Variants in AK9 observed in about 807,000 individuals in gnomAD.
AK9 encodes the protein adenylate kinase domain containing 1.
Under a neutral mutation model 239.6 loss-of-function variants are expected in AK9, and 191 were observed. The ratio of observed to expected loss-of-function variants is 0.80; its 90% confidence interval spans 0.71 to 0.90. The LOEUF is 0.90. AK9 is among the 40% of genes least tolerant of loss of function. AK9 has a pLI of 0.00. For missense variants in AK9, 1,995 were observed against 2,214.7 expected (o/e 0.90, Z 1.99); for synonymous variants, 689 against 721.0 (o/e 0.96, Z 0.71).
At chr6:109,599,939 CTT>C (rs1389325562) in intron 17 of AK9, among the ~76,000 whole-genome samples, 1 of 152,212 alleles carries the variant, frequency 6.6e-6, no homozygotes, top group Non-Finnish European at 1.5e-5. Context: ...ATACTGGAGA[CTT>C]TGCTGAAGTT....
intron 22 of AK9, 35 bp from the exon 23 acceptor site, chr6:109,564,315 G>T (rs933956859): frequency 1.8e-5 from 26 of 1,480,504 alleles, no homozygotes; most frequent in Middle Eastern, 3.6e-4. Context: ...GAAAAAAGGG[G>T]CTTTAAATAT....
chr6:109,608,769 T>C (rs951526018), intron 17 of AK9, among the ~76,000 whole-genome samples: 10 of 152,100 alleles, frequency 6.6e-5, no homozygotes, highest in African/African-American at 2.4e-4. Context: ...GACAAGATAT[T>C]TGTAAAGATA....
intron 21 of AK9, among the ~76,000 whole-genome samples, chr6:109,572,245 C>A (rs969397093): frequency 1.3e-5 from 2 of 152,118 alleles, no homozygotes; most frequent in African/African-American, 4.8e-5. Flanking sequence ...CTCCCTCAAC[C>A]CCCCTCTCGT....
intron 25 of AK9, among the ~76,000 whole-genome samples, chr6:109,548,435 T>C (rs1783886667): frequency 1.3e-5 from 2 of 152,198 alleles, no homozygotes; most frequent in Admixed American, 1.3e-4. Flanking sequence ...AAATCATTGA[T>C]GCTTTATGAA....
intron 21 of AK9, among the ~76,000 whole-genome samples, chr6:109,571,506 A>C (rs1401779191): frequency 6.6e-6 from 1 of 152,204 alleles, no homozygotes; most frequent in East Asian, 1.9e-4. Flanking sequence ...ACCATTCTTA[A>C]AAAAGCTAAA....
chr6:109,669,274 TGAG>T (rs2128330984), intron 5 of AK9, among the ~76,000 whole-genome samples: 1 of 152,272 alleles, frequency 6.6e-6, no homozygotes, highest in South Asian at 2.1e-4. Flanking sequence ...CTTATCAGCT[TGAG>T]GAGATTTTGG....
At chr6:109,646,761 A>G (rs980574550) in intron 8 of AK9, among the ~76,000 whole-genome samples, 3 of 152,190 alleles carry the variant, frequency 2.0e-5, no homozygotes, top group African/African-American at 7.2e-5. Context: ...ACTCCTTGAG[A>G]AGAGCAACCC....
At chr6:109,528,123 T>C (rs1562356022) in intron 29 of AK9, 2 of 210,308 alleles carry the variant, frequency 9.5e-6, no homozygotes, top group South Asian at 7.4e-5. Context: ...GAAGGGATAC[T>C]GCGTAGGTGT....
intron 10 of AK9, among the ~76,000 whole-genome samples, chr6:109,636,680 T>TATGTTTTC (rs1796747958): frequency 6.7e-6 from 1 of 150,280 alleles, no homozygotes; most frequent in Non-Finnish European, 1.5e-5. Flanking sequence ...TTTCACTTAG[T>TATGTTTTC]ATGTTTTCAT....
At chr6:109,608,951 T>C (rs1390502161) in intron 17 of AK9, among the ~76,000 whole-genome samples, 1 of 152,184 alleles carries the variant, frequency 6.6e-6, no homozygotes, top group Non-Finnish European at 1.5e-5. Flanking sequence ...TAGCTGTTTA[T>C]GAAAAATAGT....
chr6:109,495,472 C>A, intron 38 of AK9, 32 bp from the exon 39 acceptor site: 1 of 1,495,598 alleles, frequency 6.7e-7, no homozygotes, highest in South Asian at 1.1e-5. Flanking sequence ...GATGGATGCT[C>A]ACAGTTATAC....
At chr6:109,519,087 T>G (rs1484299456) in intron 29 of AK9, among the ~76,000 whole-genome samples, 1 of 152,192 alleles carries the variant, frequency 6.6e-6, no homozygotes, top group Non-Finnish European at 1.5e-5. Flanking sequence ...CCTGTGTTAA[T>G]TTGCTCAGGA....
rs1781035196 is a variant in AK9 at position 109,530,101 on chromosome 6, C to G, written c.3571-1028G>C. ...ATCCTCTAAATCTAACACAATGGATCCCCTTTGATAGGTCTCCAAGGTCTC... is the reference window on the plus strand; with the variant it reads ...ATCCTCTAAATCTAACACAATGGATGCCCTTTGATAGGTCTCCAAGGTCTC... On this transcript the variant is annotated intron_variant, in intron 28 of 40. Coordinates refer to ENST00000424296, the MANE Select transcript of AK9 (RefSeq NM_001145128.3). Among the ~76,000 whole-genome samples, 4 of 152,186 alleles carry G rather than the reference C, an allele frequency of 2.6e-5. 1 individual carries two copies. The highest frequency in any genetic ancestry group is 9.7e-5 in the African/African-American group (4 of 41,446).
At position 109,529,865 on chromosome 6, in the gene AK9, T is replaced by C. The variant is rs913375894; in HGVS notation, c.3571-792A>G. Among the ~76,000 whole-genome samples, 5 of 152,140 alleles carry C rather than the reference T, an allele frequency of 3.3e-5. No homozygotes were observed. The East Asian group carries it at 9.6e-4, about 29-fold the overall frequency. On this transcript the variant is annotated intron_variant, in intron 28 of 40. Coordinates refer to ENST00000424296, the MANE Select transcript of AK9 (RefSeq NM_001145128.3). ...GATGGGGAGCGGCTGTAAATACAGA[T>C]GAAGCTTCACTCACTTGCCCACTCA...
At chr6:109,611,214 A>C (rs1280677786) in intron 16 of AK9, among the ~76,000 whole-genome samples, 1 of 152,064 alleles carries the variant, frequency 6.6e-6, no homozygotes, top group Non-Finnish European at 1.5e-5. Context: ...AACCCAGAAA[A>C]ATCCCAAAGG....
intron 20 of AK9, among the ~76,000 whole-genome samples, chr6:109,577,681 G>C (rs565240829): frequency 6.6e-6 from 1 of 152,096 alleles, no homozygotes; most frequent in East Asian, 1.9e-4. Flanking sequence ...TCTGTTAGGG[G>C]CTTCTATTTC....
chr6:109,555,043 T>C (rs766249482), intron 24 of AK9, among the ~76,000 whole-genome samples: 5 of 152,184 alleles, frequency 3.3e-5, no homozygotes, highest in Non-Finnish European at 7.4e-5. Context: ...TTATTTCTTG[T>C]CTTCTGCTAG....
intron 17 of AK9, among the ~76,000 whole-genome samples, chr6:109,609,051 T>C (rs1165487114): frequency 6.6e-6 from 1 of 152,216 alleles, no homozygotes; most frequent in Non-Finnish European, 1.5e-5. Context: ...CAACCTGATA[T>C]GAGCTTTGGT....
chr6:109,543,144 C>T (rs958586904), intron 26 of AK9, among the ~76,000 whole-genome samples: 3 of 152,210 alleles, frequency 2.0e-5, no homozygotes, highest in African/African-American at 7.2e-5. Flanking sequence ...GAGGTCAAGT[C>T]TCTCTAAAGT....
Sources: allele counts gnomAD v4.1 joint callset (sites outside exome capture counted in the v4.1 genomes callset), GRCh38; gene constraint gnomAD v4.1.1; transcripts MANE v1.5; gene names NCBI Gene and HGNC (gene_info 2026-07-23, HGNC 2026-07-21).